Variants in CACNA2D3 observed in about 807,000 individuals in gnomAD.
CACNA2D3 encodes the protein voltage-dependent calcium channel subunit alpha-2/delta-3.
A neutral mutation model predicts 160.6 loss-of-function variants in CACNA2D3; 60 were observed. The observed-to-expected ratio is 0.37, with a 90% CI of 0.30 to 0.46. The LOEUF (loss-of-function observed/expected upper bound fraction) is 0.46, where lower values mean the gene tolerates loss of function less well. Ranked by LOEUF, CACNA2D3 falls within the 20% of genes least tolerant of loss-of-function variation. The pLI is 1.00. For missense variants in CACNA2D3, 1,205 were observed against 1,365.0 expected (o/e 0.88, Z 1.85); for synonymous variants, 558 against 492.9 (o/e 1.13, Z -1.75).
intron 9 of CACNA2D3, among the ~76,000 whole-genome samples, chr3:54,620,255 C>G (rs1181418588): frequency 6.6e-6 from 1 of 152,164 alleles, no homozygotes; most frequent in African/African-American, 2.4e-5. Flanking sequence ...TGTTTACTGA[C>G]AGAACTGAAA....
At chr3:54,510,984 C>T (rs946713006) in intron 5 of CACNA2D3, among the ~76,000 whole-genome samples, 2 of 152,200 alleles carry the variant, frequency 1.3e-5, no homozygotes, top group Admixed American at 6.5e-5. Flanking sequence ...AGTGCAAACA[C>T]GCTCACAAAC....
intron 4 of CACNA2D3, among the ~76,000 whole-genome samples, chr3:54,430,856 A>G (rs929444290): frequency 5.8e-4 from 88 of 152,172 alleles, no homozygotes; most frequent in African/African-American, 1.9e-3. Flanking sequence ...AGGGGCGCTG[A>G]CTCCTGCACA....
chr3:54,569,747 T>G, intron 6 of CACNA2D3, 48 bp from the exon 7 acceptor site: 1 of 1,410,632 alleles, frequency 7.1e-7, no homozygotes, highest in Non-Finnish European at 9.8e-7. Flanking sequence ...ATGCTATGAA[T>G]AAATATTTGA....
intron 4 of CACNA2D3, among the ~76,000 whole-genome samples, chr3:54,469,642 G>A (rs544683577): frequency 6.6e-6 from 1 of 151,988 alleles, no homozygotes; most frequent in African/African-American, 2.4e-5. Context: ...TGAGCTAAAG[G>A]AGCATGTTCT....
chr3:54,249,972 T>C (rs1190032542), intron 2 of CACNA2D3, among the ~76,000 whole-genome samples: 1 of 152,186 alleles, frequency 6.6e-6, no homozygotes, highest in Non-Finnish European at 1.5e-5. Flanking sequence ...TCTGAAAATG[T>C]AATGGGCAAA....
intron 35 of CACNA2D3, among the ~76,000 whole-genome samples, chr3:55,031,723 C>G (rs1703694045): frequency 1.3e-5 from 2 of 152,110 alleles, no homozygotes; most frequent in African/African-American, 4.8e-5. Flanking sequence ...GCCCAAGAAG[C>G]TTAACCGGCT....
chr3:54,533,332 C>CTTTTTTTTTT (rs60076440), intron 5 of CACNA2D3, among the ~76,000 whole-genome samples: 3 of 97,306 alleles, frequency 3.1e-5, no homozygotes, highest in Admixed American at 1.2e-4. Context: ...CTTTTCTTTC[C>CTTTTTTTTTT]TTTTTTTTTT....
intron 5 of CACNA2D3, among the ~76,000 whole-genome samples, chr3:54,553,029 C>T (rs1326850592): frequency 6.6e-6 from 1 of 152,126 alleles, no homozygotes; most frequent in Non-Finnish European, 1.5e-5. Context: ...CATTTGCTTC[C>T]CAGCTCCATC....
At chr3:54,442,616 C>T (rs189320804) in intron 4 of CACNA2D3, among the ~76,000 whole-genome samples, 16 of 152,282 alleles carry the variant, frequency 1.1e-4, no homozygotes, top group Admixed American at 1.0e-3. Context: ...AACGCGCCGT[C>T]AATGGGCTGA....
At chr3:54,456,946 C>CT (rs574121483) in intron 4 of CACNA2D3, among the ~76,000 whole-genome samples, 80 of 150,986 alleles carry the variant, frequency 5.3e-4, no homozygotes, top group African/African-American at 1.7e-3. Flanking sequence ...AGCTGTAATT[C>CT]TTTTTTTGTT....
Position 54,184,841 on chromosome 3 carries a change from C to T in CACNA2D3, c.204+61247C>T, listed in dbSNP as rs543133495. Among the ~76,000 whole-genome samples the T allele has an allele frequency of 2.6e-5, 4 of 152,258 alleles. No individual in the cohort carries two copies. The South Asian group carries it at 8.3e-4, about 32-fold the overall frequency. ...TTCTGGAGCAAACAATGGAATGTTG[C>T]AATGTTTATCTCTGTCAGCAACATT... On this transcript the variant is annotated intron_variant, in intron 2 of 37. Transcript: ENST00000474759.
intron 11 of CACNA2D3, among the ~76,000 whole-genome samples, chr3:54,676,707 T>TG (rs1700251025): frequency 6.6e-6 from 1 of 152,126 alleles, no homozygotes; most frequent in Non-Finnish European, 1.5e-5. Flanking sequence ...TTCGATTAGT[T>TG]GGGGAAGGTC....
At chr3:55,044,241 T>C (rs1704023861) in intron 35 of CACNA2D3, among the ~76,000 whole-genome samples, 1 of 152,234 alleles carries the variant, frequency 6.6e-6, no homozygotes, top group Admixed American at 6.5e-5. Flanking sequence ...TCCATAAGCA[T>C]GGTGTAACCA....
chr3:54,229,986 G>A (rs1237488897), intron 2 of CACNA2D3, among the ~76,000 whole-genome samples: 1 of 152,148 alleles, frequency 6.6e-6, no homozygotes, highest in Non-Finnish European at 1.5e-5. Flanking sequence ...ATAACACAGG[G>A]CAGGAGAAGG....
chr3:54,200,161 A>G (rs914888242), intron 2 of CACNA2D3, among the ~76,000 whole-genome samples: 1 of 152,208 alleles, frequency 6.6e-6, no homozygotes, highest in African/African-American at 2.4e-5. Context: ...GGAAAATTCC[A>G]ATCAGACCCA....
At chr3:54,258,204 A>T (rs1489463702) in intron 2 of CACNA2D3, among the ~76,000 whole-genome samples, 1 of 152,050 alleles carries the variant, frequency 6.6e-6, no homozygotes, top group Non-Finnish European at 1.5e-5. Context: ...TTGTTTTAAT[A>T]TTTATTTATT....
Position 55,049,109 on chromosome 3 carries a change from C to G in CACNA2D3, c.2988-24336C>G, listed in dbSNP as rs538497115. Among the ~76,000 whole-genome samples the G allele has an allele frequency of 2.0e-3, 308 of 151,978 alleles. 1 individual carries two copies. Among genetic ancestry groups the G allele is most frequent in the African/African-American group, 7.1e-3 (294 of 41,392 alleles). On this transcript the variant is annotated intron_variant, in intron 35 of 37. Coordinates refer to ENST00000474759, the MANE Select transcript of CACNA2D3 (RefSeq NM_018398.3). ...TTTTGTGTCCCTGTTTCCTTCCGTT[C>G]TGCTCTGATTTTAGTTATTTCTTCC...
intron 9 of CACNA2D3, among the ~76,000 whole-genome samples, chr3:54,590,770 A>T (rs554918637): frequency 9.4e-4 from 143 of 152,066 alleles, no homozygotes; most frequent in Non-Finnish European, 1.6e-3. Context: ...ACACAGTTAC[A>T]TGTGGATCTA....
At chr3:54,284,763 AT>A (rs1292313108) in intron 2 of CACNA2D3, among the ~76,000 whole-genome samples, 1 of 152,214 alleles carries the variant, frequency 6.6e-6, no homozygotes, top group East Asian at 1.9e-4. Context: ...AGAGACGGAT[AT>A]TCATTGCAGC....
Sources: allele counts gnomAD v4.1 joint callset (sites outside exome capture counted in the v4.1 genomes callset), GRCh38; gene constraint gnomAD v4.1.1; transcripts MANE v1.5; gene names NCBI Gene and HGNC (gene_info 2026-07-23, HGNC 2026-07-21).